The following TNKS variants were observed in gnomAD, a reference collection of about 807,000 sequenced individuals.
TNKS encodes the protein poly [ADP-ribose] polymerase tankyrase-1.
Under a neutral mutation model 135.8 loss-of-function variants are expected in TNKS, and 72 were observed. That is an observed-to-expected ratio of 0.53 (90% CI 0.44 to 0.64). The LOEUF is 0.64. Among genes scored for constraint, TNKS ranks in the 30% least tolerant of loss-of-function variants. The pLI is 0.00. For synonymous variants in TNKS, 849 were observed against 649.3 expected (o/e 1.31, Z -4.68); for missense variants, 1,769 against 1,674.0 (o/e 1.06, Z -0.99).
chr8:9,652,826 G>A (rs749667574), intron 3 of TNKS, among the ~76,000 whole-genome samples: 4 of 151,984 alleles, frequency 2.6e-5, no homozygotes, highest in Admixed American at 6.6e-5. Context: ...CCCTCAGAGC[G>A]ACCACAGAAG....
rs564723701 is a variant in TNKS at position 9,697,658 on chromosome 8, T to TA, written c.1108-7004dup. ...AACAGACATTTTTCAAAATAAGACATACAAGCAGCCAACAAACATGAAAAA... is the reference window on the plus strand; with the variant it reads ...AACAGACATTTTTCAAAATAAGACATAACAAGCAGCCAACAAACATGAAAAA... On this transcript the variant is annotated intron_variant, in intron 5 of 26. Transcript: ENST00000310430. Among the ~76,000 whole-genome samples, 4 of 152,058 alleles carry TA rather than the reference T, an allele frequency of 2.6e-5. No individual in the cohort carries two copies. In the South Asian group the frequency reaches 8.3e-4, roughly 32 times the overall value.
intron 1 of TNKS, among the ~76,000 whole-genome samples, chr8:9,564,425 G>A (rs1797448954): frequency 6.6e-6 from 1 of 152,170 alleles, no homozygotes; most frequent in Admixed American, 6.5e-5. Context: ...ATCAAGGAAT[G>A]TGAATAATTC....
chr8:9,745,828 AACT>A (rs1806207682), intron 17 of TNKS, among the ~76,000 whole-genome samples: 1 of 152,180 alleles, frequency 6.6e-6, no homozygotes, highest in Non-Finnish European at 1.5e-5. Flanking sequence ...TGTTTTCAGA[AACT>A]ACTATTTCTA....
At chr8:9,615,422 C>A (rs1799602832) in intron 2 of TNKS, 160 bp from the exon 3 acceptor site, 3 of 513,524 alleles carry the variant, frequency 5.8e-6, no homozygotes, top group Non-Finnish European at 1.0e-5. Flanking sequence ...AGAGAGGCTC[C>A]TTTGCTGCAG....
chr8:9,616,131 A>G (rs1799637099), intron 3 of TNKS, among the ~76,000 whole-genome samples: 1 of 152,132 alleles, frequency 6.6e-6, no homozygotes, highest in African/African-American at 2.4e-5. Context: ...CCCCGTTTAT[A>G]CTTTAATCAT....
chr8:9,675,548 G>A (rs1486349657), intron 3 of TNKS, among the ~76,000 whole-genome samples: 1 of 152,100 alleles, frequency 6.6e-6, no homozygotes, highest in Non-Finnish European at 1.5e-5. Context: ...AATTCCCTTG[G>A]CCCAATAGCC....
In TNKS at chr8:9,661,505, T is replaced by C. The variant is rs377641867; in HGVS notation, c.995-18446T>C. Among the ~76,000 whole-genome samples the C allele has an allele frequency of 2.0e-4, 31 of 152,132 alleles. No individual in the cohort carries two copies. The East Asian group carries it at 5.6e-3, about 28-fold the overall frequency. On this transcript the variant is annotated intron_variant, in intron 3 of 26. Coordinates refer to ENST00000310430, the MANE Select transcript of TNKS (RefSeq NM_003747.3). ...GGGAAAGGATTCCCTATTTAATAAATGGTGCTGGGAAAACTGGCTAGCCGT... is the reference window on the plus strand; with the variant it reads ...GGGAAAGGATTCCCTATTTAATAAACGGTGCTGGGAAAACTGGCTAGCCGT...
chr8:9,615,557 T>TA, intron 2 of TNKS, 25 bp from the exon 3 acceptor site: 2 of 1,595,514 alleles, frequency 1.3e-6, no homozygotes, highest in Non-Finnish European at 1.7e-6. Flanking sequence ...CGAGGTAAGA[T>TA]ACTGTTTCTG....
chr8:9,613,050 G>T lies in TNKS; in HGVS notation c.899-2532G>T, dbSNP rs1799519493. 2.0e-5 allele frequency among the ~76,000 whole-genome samples: 3 copies of T among 152,106 alleles called. No homozygotes were observed. In the South Asian group the frequency reaches 6.2e-4, roughly 31 times the overall value. ...AGGAGTGGTTGTTCTTGCTGTCTCA[G>T]GGGTGGCAGAGACAGGCACACTCAG... On this transcript the variant is annotated intron_variant, in intron 2 of 26. Coordinates refer to ENST00000310430, the MANE Select transcript of TNKS (RefSeq NM_003747.3).
intron 1 of TNKS, chr8:9,558,165 C>T (rs1797162066): frequency 6.6e-6 from 1 of 152,086 alleles, no homozygotes; most frequent in Non-Finnish European, 1.5e-5. Context: ...ATGTGTTGTC[C>T]TCTGATATTT....
intron 13 of TNKS, among the ~76,000 whole-genome samples, chr8:9,728,788 T>A (rs909579803): frequency 6.6e-6 from 1 of 152,214 alleles, no homozygotes; most frequent in African/African-American, 2.4e-5. Context: ...TTTTAGAGGC[T>A]GGTGCATTTC....
intron 3 of TNKS, among the ~76,000 whole-genome samples, chr8:9,629,722 G>A (rs565425973): frequency 5.9e-4 from 90 of 152,166 alleles, no homozygotes; most frequent in African/African-American, 2.1e-3. Context: ...TCGCTCTGTC[G>A]CCCAGGCTGG....
At chr8:9,680,168 GTGA>G in intron 4 of TNKS, among the ~76,000 whole-genome samples, 181 bp downstream of exon 4, 1 of 151,420 alleles carries the variant, frequency 6.6e-6, no homozygotes, top group East Asian at 1.9e-4. Context: ...TTTTCATGTG[GTGA>G]TGATTATAAG....
chr8:9,665,333 T>A (rs1214689515), intron 3 of TNKS, among the ~76,000 whole-genome samples: 1 of 152,260 alleles, frequency 6.6e-6, no homozygotes, highest in Non-Finnish European at 1.5e-5. Context: ...AGCAGGACAT[T>A]GCCTTTATCC....
intron 1 of TNKS, among the ~76,000 whole-genome samples, chr8:9,576,087 C>T (rs372651866): frequency 3.3e-5 from 5 of 152,178 alleles, no homozygotes; most frequent in African/African-American, 1.2e-4. Context: ...CATCTGTCCT[C>T]ATGGCCAGTC....
intron 3 of TNKS, among the ~76,000 whole-genome samples, chr8:9,672,970 A>T (rs939084864): frequency 6.6e-6 from 1 of 152,204 alleles, no homozygotes; most frequent in Non-Finnish European, 1.5e-5. Flanking sequence ...GTACCGGCAC[A>T]CTTTGCAGAA....
chr8:9,751,823 G>T lies in TNKS; in HGVS notation c.3047G>T (p.Gly1016Val). Reference protein sequence around the residue: ...GASNAGDGAAGTERKEGEVAG... With the variant: ...GASNAGDGAAVTERKEGEVAG... ...TCCAATGCAGGGGATGGCGCCGCGG[G>T]AACAGAAAGGAAGGAAGGAGAAGGT... Residue 1016 changes from glycine (G) to valine (V), a missense_variant, in exon 19 of 27, where the codon GGA becomes GTA. Transcript: ENST00000310430. The T allele has an allele frequency of 6.2e-7, 1 of 1,614,166 alleles. No individual in the cohort carries two copies. The highest frequency in any genetic ancestry group is 1.3e-5 in the African/African-American group (1 of 75,064).
intron 23 of TNKS, among the ~76,000 whole-genome samples, chr8:9,765,121 G>A (rs568428461): frequency 6.6e-6 from 1 of 152,274 alleles, no homozygotes; most frequent in South Asian, 2.1e-4. Flanking sequence ...TCATTTGAGA[G>A]TTGCATCAAA....
intron 3 of TNKS, among the ~76,000 whole-genome samples, chr8:9,666,084 G>A (rs1342258966): frequency 1.3e-5 from 2 of 152,140 alleles, no homozygotes; most frequent in African/African-American, 2.4e-5. Flanking sequence ...TCCTACTGTA[G>A]TAACAGCTTT....
Sources: gnomAD v4.1 joint callset for allele counts (sites outside exome capture counted in the v4.1 genomes callset) on GRCh38, gnomAD v4.1.1 for gene constraint, MANE v1.5 for transcripts, NCBI Gene and HGNC (gene_info 2026-07-23, HGNC 2026-07-21) for gene names.